The following SEC14L5 variants were observed in gnomAD, a reference collection of about 807,000 sequenced individuals.
SEC14L5 encodes SEC14 like lipid binding 5.
Under a neutral mutation model 84.6 loss-of-function variants are expected in SEC14L5, and 96 were observed. The observed-to-expected ratio is 1.13, with a 90% CI of 0.96 to 1.34. The LOEUF (loss-of-function observed/expected upper bound fraction) is 1.34, where lower values mean the gene tolerates loss of function less well. Ranked by LOEUF, SEC14L5 falls within the 40% of genes most tolerant of loss-of-function variation. SEC14L5 has a pLI of 0.00. For missense variants in SEC14L5, 1,224 were observed against 942.5 expected (o/e 1.30, Z -3.91); for synonymous variants, 546 against 383.4 (o/e 1.42, Z -4.95).
intron 2 of SEC14L5, among the ~76,000 whole-genome samples, chr16:4,984,831 A>G (rs34496778): frequency 0.23 from 34,548 of 152,166 alleles, 4,718 homozygotes; most frequent in Non-Finnish European, 0.29. Flanking sequence ...TTGTGTTGGT[A>G]TATTTTCCTT....
rs1955743809 is a variant in SEC14L5 at position 5,007,453 on chromosome 16, T to C, written c.1539T>C (p.His513=). ...TGTGGCAGTGGAGTGAGACCTACCA[T>C]TCAGCCAGCGTGCTCCGCGGAGCCC... ...DQLWQWSETY[H]SASVLRGAPH... Residue 513 remains histidine (H), a synonymous_variant, in exon 13 of 16, where the codon CAT becomes CAC. Transcript: ENST00000251170. 1 of 1,613,724 alleles carries C rather than the reference T, an allele frequency of 6.2e-7. No individual in the cohort carries two copies. Among genetic ancestry groups the C allele is most frequent in the African/African-American group, 1.3e-5 (1 of 74,932 alleles).
At chr16:4,995,501 G>A (rs930789245) in intron 6 of SEC14L5, among the ~76,000 whole-genome samples, 1 of 152,198 alleles carries the variant, frequency 6.6e-6, no homozygotes, top group African/African-American at 2.4e-5. Context: ...GCCTGGGGAT[G>A]GGGCAAAGCA....
intron 13 of SEC14L5, among the ~76,000 whole-genome samples, chr16:5,008,203 A>C (rs1421877041): frequency 2.0e-5 from 3 of 152,134 alleles, no homozygotes; most frequent in Non-Finnish European, 4.4e-5. Flanking sequence ...GGCATGAGCC[A>C]CCAAGCCTGG....
At chr16:4,981,097 C>T (rs951706923) in intron 2 of SEC14L5, among the ~76,000 whole-genome samples, 1 of 151,770 alleles carries the variant, frequency 6.6e-6, no homozygotes, top group Non-Finnish European at 1.5e-5. Flanking sequence ...TTATTCTCGG[C>T]ATCAAGGCCC....
intron 11 of SEC14L5, among the ~76,000 whole-genome samples, chr16:5,003,797 C>T (rs754593848): frequency 7.9e-5 from 12 of 152,252 alleles, no homozygotes; most frequent in Non-Finnish European, 1.5e-4. Flanking sequence ...AATCCCAGAA[C>T]ATTTCTGTCG....
intron 6 of SEC14L5, among the ~76,000 whole-genome samples, chr16:4,995,644 T>C (rs1264486390): frequency 6.7e-6 from 1 of 149,520 alleles, no homozygotes; most frequent in Admixed American, 6.7e-5. Flanking sequence ...TTTTTTTTTT[T>C]AAGACGGAGT....
At chr16:4,963,328 GTA>G (rs1291449843) in intron 2 of SEC14L5, among the ~76,000 whole-genome samples, 1 of 152,110 alleles carries the variant, frequency 6.6e-6, no homozygotes, top group Non-Finnish European at 1.5e-5. Context: ...GGATTCTAGG[GTA>G]TCTTTCCTCC....
intron 2 of SEC14L5, among the ~76,000 whole-genome samples, chr16:4,974,793 T>A (rs1955321095): frequency 6.6e-6 from 1 of 151,980 alleles, no homozygotes; most frequent in Non-Finnish European, 1.5e-5. Context: ...ATATATATAT[T>A]TTGAGATGGA....
rs745969654 is a variant in SEC14L5 at position 4,964,711 on chromosome 16, C to T, written c.63+5325C>T. ...TCGGCCTCCCAAAATGCTGGGATTA[C>T]AGGCGTGAGCCACTGTGCCCCACCT... On this transcript the variant is annotated intron_variant, in intron 2 of 15. Coordinates refer to ENST00000251170, the MANE Select transcript of SEC14L5 (RefSeq NM_014692.2). Among the ~76,000 whole-genome samples, 3 of 152,276 alleles carry T rather than the reference C, an allele frequency of 2.0e-5. No homozygotes were observed. In the South Asian group the frequency reaches 6.2e-4, roughly 32 times the overall value.
chr16:5,013,613 C>T (rs971221070), intron 15 of SEC14L5, among the ~76,000 whole-genome samples: 1 of 125,770 alleles, frequency 8.0e-6, no homozygotes, highest in African/African-American at 3.0e-5. Flanking sequence ...GGCTGGAGTA[C>T]AGTGGCACGA....
At chr16:4,968,255 C>G (rs575884928) in intron 2 of SEC14L5, among the ~76,000 whole-genome samples, 2 of 151,772 alleles carry the variant, frequency 1.3e-5, no homozygotes, top group East Asian at 3.9e-4. Context: ...TCTCGGCTCA[C>G]TGAAACCTCT....
At chr16:4,962,684 C>T (rs1955139493) in intron 2 of SEC14L5, among the ~76,000 whole-genome samples, 1 of 72,358 alleles carries the variant, frequency 1.4e-5, no homozygotes, top group South Asian at 3.9e-4. Flanking sequence ...GAAACTCTGT[C>T]TCAAAAAAAA....
At chr16:4,991,039 A>G (rs962042200) in intron 5 of SEC14L5, 144 bp downstream of exon 5, 5 of 544,936 alleles carry the variant, frequency 9.2e-6, no homozygotes, top group African/African-American at 7.9e-5. Flanking sequence ...TGACCAAATC[A>G]CCACGAGATA....
At chr16:4,958,799 C>G (rs1955084613) in intron 1 of SEC14L5, among the ~76,000 whole-genome samples, 1 of 152,068 alleles carries the variant, frequency 6.6e-6, no homozygotes, top group African/African-American at 2.4e-5. Context: ...GTGATAGAGA[C>G]AGTGCCTGTG....
chr16:4,970,428 T>C (rs1056372390), intron 2 of SEC14L5, among the ~76,000 whole-genome samples: 6 of 152,116 alleles, frequency 3.9e-5, no homozygotes, highest in African/African-American at 1.4e-4. Flanking sequence ...AGTTAGAAAG[T>C]GGCTGGCAGC....
chr16:5,009,662 A>T (rs1002673953), intron 14 of SEC14L5, among the ~76,000 whole-genome samples: 2 of 152,062 alleles, frequency 1.3e-5, no homozygotes, highest in African/African-American at 4.8e-5. Context: ...CTATTTCCAG[A>T]TAAGGTCACG....
In SEC14L5 at chr16:4,989,297, TG is replaced by T. The variant is rs1955527176; in HGVS notation, c.345+1018del. 2.2e-5 allele frequency among the ~76,000 whole-genome samples: 3 copies of T among 135,616 alleles called. No individual in the cohort carries two copies. In the South Asian group the frequency reaches 9.2e-4, roughly 42 times the overall value. 89.0% of individuals were successfully genotyped at this position (135,616 alleles called of 152,430 possible). On this transcript the variant is annotated intron_variant, in intron 4 of 15. Coordinates refer to ENST00000251170, the MANE Select transcript of SEC14L5 (RefSeq NM_014692.2). ...GATAGCAATGGTAGACCATTGTACG[TG>T]TTTTTTTTTTTGTTTGTTTGTTTGT...
intron 8 of SEC14L5, 98 bp from the exon 9 acceptor site, chr16:5,000,557 C>T (rs1955663426): frequency 1.1e-6 from 1 of 905,856 alleles, no homozygotes; most frequent in Non-Finnish European, 1.7e-6. Flanking sequence ...GGGTTGCAGC[C>T]TGAGGAGGTG....
At chr16:4,970,783 G>A (rs1159666400) in intron 2 of SEC14L5, among the ~76,000 whole-genome samples, 1 of 152,150 alleles carries the variant, frequency 6.6e-6, no homozygotes, top group Non-Finnish European at 1.5e-5. Context: ...CAGCCCAAAA[G>A]TACATCCAAG....
Sources: gnomAD v4.1 joint callset for allele counts (sites outside exome capture counted in the v4.1 genomes callset) on GRCh38, gnomAD v4.1.1 for gene constraint, MANE v1.5 for transcripts, NCBI Gene and HGNC (gene_info 2026-07-23, HGNC 2026-07-21) for gene names.